Variants in PTPN12 observed in about 807,000 individuals in gnomAD.
PTPN12 encodes protein tyrosine phosphatase non-receptor type 12.
Under a neutral mutation model 97.6 loss-of-function variants are expected in PTPN12, and 29 were observed. That is an observed-to-expected ratio of 0.30 (90% CI 0.22 to 0.41). The LOEUF (loss-of-function observed/expected upper bound fraction) is 0.41. PTPN12 is among the 10% of genes least tolerant of loss of function. The probability of loss-of-function intolerance (pLI) is 1.00; values close to 1 mark genes in which losing one functional copy is unlikely to be tolerated. For synonymous variants in PTPN12, 327 were observed against 300.4 expected, an observed-to-expected ratio of 1.09 and a Z score of -0.91; for missense variants, 819 against 926.0, an observed-to-expected ratio of 0.88 and a Z score of 1.50.
At position 77,586,524 on chromosome 7, in the gene PTPN12, C is replaced by T. The variant is rs141702569; in HGVS notation, c.420+943C>T. On this transcript the variant is annotated intron_variant, in intron 5 of 17. Transcript: ENST00000248594. ...ACTTGAGCCCAGAAGGTTGAGGCTG[C>T]GGTGAGCTATGATTATGCTACTGTA... 4.3e-3 allele frequency among the ~76,000 whole-genome samples: 658 copies of T among 152,130 alleles called. 6 individuals are homozygous for T. Among genetic ancestry groups the T allele is most frequent in the African/African-American group, 0.014 (581 of 41,510 alleles).
In PTPN12 at chr7:77,639,291, T is replaced by G. The variant is rs368406672; in HGVS notation, c.*11T>G. 6.2e-7 allele frequency: 1 copy of G among 1,605,944 alleles called. No homozygotes were observed. Among genetic ancestry groups the G allele is most frequent in the Non-Finnish European group, 8.5e-7 (1 of 1,173,982 alleles). ...TCAGAATGGACATGATTCAGGGAGC[T>G]AGAAGACACTTTAAGTTATACTGGA... On this transcript the variant is annotated 3_prime_UTR_variant, in exon 18 of 18. Transcript: ENST00000248594.
intron 2 of PTPN12, among the ~76,000 whole-genome samples, chr7:77,580,353 A>T (rs1787474903): frequency 6.6e-6 from 1 of 152,236 alleles, no homozygotes; most frequent in East Asian, 1.9e-4. Context: ...AGTAAAAATA[A>T]TAAAGTAAAT....
chr7:77,561,855 G>A (rs539304905), intron 1 of PTPN12, among the ~76,000 whole-genome samples: 61 of 150,674 alleles, frequency 4.0e-4, no homozygotes, highest in Middle Eastern at 3.5e-3. Flanking sequence ...GCAGTGGCAC[G>A]ATCTCGGCTC....
At chr7:77,555,658 T>A (rs151297188) in intron 1 of PTPN12, among the ~76,000 whole-genome samples, 1 of 152,304 alleles carries the variant, frequency 6.6e-6, no homozygotes, top group East Asian at 1.9e-4. Context: ...CTCACGCCTG[T>A]AATCCCAGGA....
chr7:77,630,691 A>G (rs867421913), intron 13 of PTPN12, among the ~76,000 whole-genome samples: 4 of 152,226 alleles, frequency 2.6e-5, no homozygotes, highest in South Asian at 2.1e-4. Flanking sequence ...TACCTAAAAA[A>G]AACTTTTGCA....
intron 1 of PTPN12, among the ~76,000 whole-genome samples, chr7:77,563,294 A>C (rs1236669917): frequency 6.6e-6 from 1 of 152,138 alleles, no homozygotes; most frequent in African/African-American, 2.4e-5. Context: ...CAGTTTATTT[A>C]CTCCCTACTA....
rs1057102059 is a variant in PTPN12, at chr7:77,600,771, A to G, written c.660A>G (p.Gln220=). The G allele has an allele frequency of 3.1e-6, 5 of 1,606,428 alleles. No individual in the cohort carries two copies. Among genetic ancestry groups the G allele is most frequent in the African/African-American group, 1.3e-5 (1 of 74,570 alleles). ...LDMISLMRKY[Q]EHEDVPICIH... is the part of the protein sequence containing the mutation. ...TGATAAGCTTAATGAGGAAATATCAAGAACATGAAGATGTTCCTATTTGTA... is the reference window on the plus strand; with the variant it reads ...TGATAAGCTTAATGAGGAAATATCAGGAACATGAAGATGTTCCTATTTGTA... Residue 220 remains glutamine, a synonymous_variant, in exon 8 of 18, where the codon CAA becomes CAG. Coordinates refer to ENST00000248594, the MANE Select transcript of PTPN12 (RefSeq NM_002835.4).
intron 13 of PTPN12, among the ~76,000 whole-genome samples, chr7:77,631,734 A>C (rs974429237): frequency 9.2e-5 from 14 of 152,254 alleles, no homozygotes; most frequent in African/African-American, 3.4e-4. Flanking sequence ...CACTGTACAC[A>C]AAATCTTTAG....
Position 77,600,671 on chromosome 7 carries a change from G to A in PTPN12, c.560G>A (p.Arg187His), listed in dbSNP as rs368515888. Residue 187 changes from arginine (R) to histidine (H), a missense_variant, in exon 8 of 18, where the codon CGT (arginine) becomes CAT (histidine). This residue lies in a region of PTPN12 where 45 missense variants were observed against 52.0 expected (regional missense o/e 0.87). Coordinates refer to ENST00000248594, the MANE Select transcript of PTPN12 (RefSeq NM_002835.4). ...TLLLEFQNES[R>H]RLYQFHYVNW... ...TTTCTGTTTTTCTTGAAGGAATCTC[G>A]TAGGCTGTATCAGTTTCATTATGTG... 2.6e-5 allele frequency: 42 copies of A among 1,595,562 alleles called. No homozygotes were observed. Among genetic ancestry groups the A allele is most frequent in the South Asian group, 2.0e-4 (17 of 87,100 alleles).
intron 1 of PTPN12, among the ~76,000 whole-genome samples, chr7:77,558,828 G>T (rs890921902): frequency 6.6e-6 from 1 of 152,202 alleles, no homozygotes; most frequent in African/African-American, 2.4e-5. Flanking sequence ...GGGCCACATA[G>T]TAAGACCTCA....
intron 11 of PTPN12, among the ~76,000 whole-genome samples, chr7:77,614,703 A>T (rs1265602545): frequency 6.6e-6 from 1 of 152,216 alleles, no homozygotes; most frequent in Admixed American, 6.5e-5. Context: ...GTGGTTGCAG[A>T]CCATAAATCT....
chr7:77,626,965 A>C lies in PTPN12; in HGVS notation c.1286A>C (p.Lys429Thr), dbSNP rs775490809. The C allele has an allele frequency of 1.9e-6, 3 of 1,610,312 alleles. No homozygotes were observed. The South Asian group carries it at 3.3e-5, about 18-fold the overall frequency. Residue 429 changes from lysine (K) to threonine (T), a missense_variant, in exon 13 of 18, where the codon AAA becomes ACA. Physicochemically the swap from Lys to Thr is moderately conservative, Grantham distance 78 (BLOSUM62 -1). Around this residue, in one of 5 missense-constraint regions of PTPN12, gnomAD observed 607 missense variants for 577.3 expected, o/e 1.05. Transcript: ENST00000248594. ...TCAACAATTGAACAGATAGATAAAA[A>C]ATTGGAACGAAATTTAAGTTTTGAG... ...NESTIEQIDK[K>T]LERNLSFEIK...
intron 1 of PTPN12, among the ~76,000 whole-genome samples, chr7:77,561,232 G>A (rs560146809): frequency 6.6e-6 from 1 of 152,074 alleles, no homozygotes; most frequent in South Asian, 2.1e-4. Flanking sequence ...GCCTATTTTG[G>A]TTTTTTGATA....
chr7:77,575,815 T>C (rs1485644127), intron 2 of PTPN12, among the ~76,000 whole-genome samples: 1 of 152,178 alleles, frequency 6.6e-6, no homozygotes, highest in East Asian at 1.9e-4. Flanking sequence ...TTAATATAAA[T>C]GTAATCATAC....
chr7:77,620,591 A>G (rs902114532), intron 12 of PTPN12, among the ~76,000 whole-genome samples: 1 of 152,262 alleles, frequency 6.6e-6, no homozygotes, highest in African/African-American at 2.4e-5. Flanking sequence ...AAGATTGATA[A>G]CAAGTAAAAT....
chr7:77,638,742 T>G lies in PTPN12; in HGVS notation c.2281+11T>G. The G allele has an allele frequency of 1.3e-6, 2 of 1,590,778 alleles. No individual in the cohort carries two copies. The highest frequency in any genetic ancestry group is 1.7e-6 in the Non-Finnish European group (2 of 1,173,170). The stretch of plus-strand genomic sequence containing the variant: ...AAGCCACAGATATTGGTAATTTGTT[T>G]AATAAATAATTTTTAGTAAGTAGTT... On this transcript the variant is annotated intron_variant, in intron 17 of 17. Coordinates refer to ENST00000248594, the MANE Select transcript of PTPN12 (RefSeq NM_002835.4).
At chr7:77,576,471 G>C (rs1056175926) in intron 2 of PTPN12, among the ~76,000 whole-genome samples, 1 of 152,070 alleles carries the variant, frequency 6.6e-6, no homozygotes, top group African/African-American at 2.4e-5. Flanking sequence ...AGGCCGAAGC[G>C]GGCAGATCAC....
chr7:77,614,877 T>G (rs1463265600), intron 11 of PTPN12, among the ~76,000 whole-genome samples: 1 of 152,230 alleles, frequency 6.6e-6, no homozygotes, highest in South Asian at 2.1e-4. Flanking sequence ...GTAAAAGTTT[T>G]GTTTAAATGT....
At chr7:77,605,958 T>C (rs947507850) in intron 8 of PTPN12, among the ~76,000 whole-genome samples, 12 of 138,648 alleles carry the variant, frequency 8.7e-5, no homozygotes, top group African/African-American at 3.0e-4. Context: ...TTTTTTTTTT[T>C]TTTTTTTTTT....
Sources: gnomAD v4.1 joint callset for allele counts (sites outside exome capture counted in the v4.1 genomes callset) on GRCh38, gnomAD v4.1.1 for gene constraint, gnomAD v4.1.1 regional missense constraint, MANE v1.5 for transcripts, NCBI Gene and HGNC (gene_info 2026-07-23, HGNC 2026-07-21) for gene names.